The following SYNPR variants were observed in gnomAD, a reference collection of about 807,000 sequenced individuals.
SYNPR encodes the protein synaptoporin.
Under a neutral mutation model 32.9 loss-of-function variants are expected in SYNPR, and 23 were observed. The ratio of observed to expected loss-of-function variants is 0.70; its 90% CI spans 0.50 to 0.99. The LOEUF (loss-of-function observed/expected upper bound fraction) is 0.99, where lower values mean the gene tolerates loss of function less well. Ranked by LOEUF, SYNPR falls within the 50% of genes least tolerant of loss-of-function variation. SYNPR has a pLI of 0.00. For missense variants in SYNPR, 318 were observed against 349.3 expected, an observed-to-expected ratio of 0.91 and a Z score of 0.71; for synonymous variants, 146 against 135.9, an observed-to-expected ratio of 1.07 and a Z score of -0.52.
At position 63,534,891 on chromosome 3, in the gene SYNPR, T is replaced by A. The variant is rs144455416; in HGVS notation, c.210-21652T>A. ...CTCCCCAGGGTGAGAAAATGAGTAA[T>A]CTATTCATAAGGAATCCACCCCCAT... On this transcript the variant is annotated intron_variant, in intron 3 of 5. Coordinates refer to ENST00000478300, the MANE Select transcript of SYNPR (RefSeq NM_001130003.2). Among the ~76,000 whole-genome samples the A allele has an allele frequency of 7.1e-3, 1,075 of 152,174 alleles. 10 individuals carry two copies. The highest frequency in any genetic ancestry group is 0.025 in the African/African-American group (1,028 of 41,520).
intron 2 of SYNPR, among the ~76,000 whole-genome samples, chr3:63,473,342 T>C (rs373031982): frequency 1.3e-5 from 2 of 152,150 alleles, no homozygotes; most frequent in Non-Finnish European, 2.9e-5. Context: ...CTTGTCTGTG[T>C]CTTGAAATAG....
At chr3:63,456,224 A>G (rs7628621) in intron 2 of SYNPR, among the ~76,000 whole-genome samples, 109,454 of 151,944 alleles carry the variant, frequency 0.72, 40,602 homozygotes, top group African/African-American at 0.91. Flanking sequence ...TGAGATTTGG[A>G]TGGGGACACA....
upstream of SYNPR, among the ~76,000 whole-genome samples, chr3:63,226,782 A>G (rs2086131415): frequency 6.6e-6 from 1 of 152,176 alleles, no homozygotes; most frequent in South Asian, 2.1e-4. Context: ...AATAAGCTCT[A>G]AAGTTCAATA....
intron 2 of SYNPR, among the ~76,000 whole-genome samples, chr3:63,451,893 C>T (rs1651159203): frequency 6.6e-6 from 1 of 151,972 alleles, no homozygotes; most frequent in South Asian, 2.1e-4. Context: ...TTTTGAAGAC[C>T]ATTATCTGCT....
intron 3 of SYNPR, among the ~76,000 whole-genome samples, chr3:63,523,267 A>C (rs929991110): frequency 1.3e-5 from 2 of 151,556 alleles, no homozygotes; most frequent in Non-Finnish European, 2.9e-5. Flanking sequence ...TTCCAAGTCC[A>C]CTCTCCATCT....
Position 63,454,733 on chromosome 3 carries a change from T to TG in SYNPR, c.85-26095dup, listed in dbSNP as rs77209053. ...TCCCATAAAACAAAGGTGAGGGCTC[T>TG]GGGGTGGCAGAGATCTCTGTGTGAT... On this transcript the variant is annotated intron_variant, in intron 2 of 5. Coordinates refer to ENST00000478300, the MANE Select transcript of SYNPR (RefSeq NM_001130003.2). 8.4e-3 allele frequency among the ~76,000 whole-genome samples: 1,282 copies of TG among 152,086 alleles called. 57 individuals are homozygous for TG. In the East Asian group the frequency reaches 0.13, roughly 16 times the overall value.
chr3:63,278,419 G>C lies in SYNPR; in HGVS notation c.-115G>C, dbSNP rs1166598388. ...CCCTGCCCTCGCCGGGCTGCTCCAG[G>C]GTGTCGCTCCTCTGGCTGCTCCCGA... is the stretch of plus-strand genomic sequence containing the variant. On this transcript the variant is annotated 5_prime_UTR_variant, in exon 1 of 6. Transcript: ENST00000478300. 3.0e-6 allele frequency: 4 copies of C among 1,352,244 alleles called. No homozygotes were observed. In the Admixed American group the frequency reaches 1.1e-4, roughly 37 times the overall value. 83.8% of individuals were successfully genotyped at this position (1,352,244 alleles called of 1,614,324 possible). A position where few individuals can be genotyped will look rare whatever the true frequency, so the allele number is the denominator to read the frequency against.
intron 4 of SYNPR, among the ~76,000 whole-genome samples, chr3:63,595,993 T>TTATATATATAGTTTTATATATAGTTTTA (rs1699954112): frequency 3.7e-5 from 5 of 135,096 alleles, no homozygotes; most frequent in Admixed American, 7.9e-5. Context: ...ATATATAGTT[T>TTATATATATAGTTTTATATATAGTTTTA]TATATATATA....
chr3:63,400,558 G>A (rs1206637050), intron 2 of SYNPR, among the ~76,000 whole-genome samples: 1 of 152,168 alleles, frequency 6.6e-6, no homozygotes, highest in East Asian at 1.9e-4. Flanking sequence ...TACACAGCAA[G>A]AAACTTCCCA....
intron 2 of SYNPR, among the ~76,000 whole-genome samples, chr3:63,376,052 C>A (rs1021924937): frequency 1.3e-5 from 2 of 152,116 alleles, no homozygotes; most frequent in South Asian, 2.1e-4. Flanking sequence ...TGTTTTCTCC[C>A]TTGTCTTCCC....
At chr3:63,403,033 C>T (rs1421539661) in intron 2 of SYNPR, among the ~76,000 whole-genome samples, 5 of 152,150 alleles carry the variant, frequency 3.3e-5, no homozygotes, top group Admixed American at 2.0e-4. Context: ...ATACAGTAAA[C>T]ATTAACAGAG....
chr3:63,368,703 G>A (rs2087757004), intron 2 of SYNPR, among the ~76,000 whole-genome samples: 1 of 152,288 alleles, frequency 6.6e-6, no homozygotes. Flanking sequence ...CAGTGATGGT[G>A]TGCAGTGCTA....
chr3:63,331,235 A>C (rs972867808), intron 2 of SYNPR, among the ~76,000 whole-genome samples: 3 of 152,196 alleles, frequency 2.0e-5, no homozygotes, highest in South Asian at 4.1e-4. Context: ...AACAGAGTTT[A>C]CAGGTGAAAA....
chr3:63,210,656 T>C, the SYNPR span, among the ~76,000 whole-genome samples: 1 of 152,220 alleles, frequency 6.6e-6, no homozygotes, highest in Non-Finnish European at 1.5e-5. Flanking sequence ...AGAATAGGAA[T>C]GATGAAGAGA....
At chr3:63,284,289 C>T (rs1216923985) in intron 2 of SYNPR, among the ~76,000 whole-genome samples, 2 of 152,054 alleles carry the variant, frequency 1.3e-5, no homozygotes, top group Non-Finnish European at 2.9e-5. Flanking sequence ...CCATGTTGTT[C>T]AGAACTACAC....
chr3:63,418,293 G>A (rs2088566747), intron 2 of SYNPR, among the ~76,000 whole-genome samples: 1 of 152,064 alleles, frequency 6.6e-6, no homozygotes, highest in African/African-American at 2.4e-5. Flanking sequence ...CTTCATCTGA[G>A]ACCACCTCAG....
intron 2 of SYNPR, among the ~76,000 whole-genome samples, chr3:63,420,259 G>A (rs192997085): frequency 3.0e-4 from 45 of 152,158 alleles, no homozygotes; most frequent in African/African-American, 7.5e-4. Flanking sequence ...AGGAAAGGCC[G>A]AGATAATTCT....
intron 4 of SYNPR, among the ~76,000 whole-genome samples, chr3:63,572,364 T>A (rs1702902152): frequency 6.6e-6 from 1 of 152,144 alleles, no homozygotes; most frequent in Non-Finnish European, 1.5e-5. Context: ...TGCTATGAGA[T>A]TATTCAAAGT....
chr3:63,426,032 G>A (rs372701081), intron 2 of SYNPR, among the ~76,000 whole-genome samples: 3 of 151,950 alleles, frequency 2.0e-5, no homozygotes, highest in Middle Eastern at 3.4e-3. Context: ...TGATCCACCC[G>A]CCTCGACCTC....
Sources: allele counts gnomAD v4.1 joint callset (sites outside exome capture counted in the v4.1 genomes callset), GRCh38; gene constraint gnomAD v4.1.1; transcripts MANE v1.5; gene names NCBI Gene and HGNC (gene_info 2026-07-23, HGNC 2026-07-21).